Variants in SFI1 observed in about 807,000 individuals in gnomAD.
SFI1 encodes the protein SFI1 centrin binding protein.
In SFI1, 195 loss-of-function variants were observed where a neutral mutation model predicts 207.5. The ratio of observed to expected loss-of-function variants is 0.94; its 90% confidence interval spans 0.84 to 1.06. The LOEUF is 1.06. Among genes scored for constraint, SFI1 ranks in the 50% least tolerant of loss-of-function variants. SFI1 has a pLI of 0.00. For missense variants in SFI1, 1,634 were observed against 1,588.0 expected (o/e 1.03, Z -0.49); for synonymous variants, 630 against 598.9 (o/e 1.05, Z -0.76).
chr22:31,569,173 G>C (rs2062698753), intron 8 of SFI1, among the ~76,000 whole-genome samples: 2 of 152,070 alleles, frequency 1.3e-5, no homozygotes, highest in Non-Finnish European at 2.9e-5. Flanking sequence ...CTAGAAAATT[G>C]CTGTTTTGCC....
In SFI1 at chr22:31,549,288, T is replaced by TAAAAAAAA. The variant is rs59382278; in HGVS notation, c.450-946_450-939dup. 3.1e-3 allele frequency among the ~76,000 whole-genome samples: 115 copies of TAAAAAAAA among 37,210 alleles called. 16 individuals carry two copies. Among genetic ancestry groups the TAAAAAAAA allele is most frequent in the African/African-American group, 0.012 (99 of 8,064 alleles). The allele number at this position is 37,210 out of a possible 152,430, so 24.4% of individuals were successfully genotyped here. On this transcript the variant is annotated intron_variant, in intron 5 of 32. Coordinates refer to ENST00000400288, the MANE Select transcript of SFI1 (RefSeq NM_001007467.3). ...CTAGGTGACAGAGTGAGACCCTGTG[T>TAAAAAAAA]AAAAAAAAAAAAAAAAAAAAAAAAA...
At chr22:31,551,525 T>C (rs183219557) in intron 6 of SFI1, among the ~76,000 whole-genome samples, 15 of 152,352 alleles carry the variant, frequency 9.8e-5, no homozygotes, top group African/African-American at 3.4e-4. Flanking sequence ...ATTTTTTTAA[T>C]ACATACAGTA....
At chr22:31,599,265 G>T (rs772557608) in intron 15 of SFI1, among the ~76,000 whole-genome samples, 7 of 151,928 alleles carry the variant, frequency 4.6e-5, no homozygotes, top group Non-Finnish European at 1.0e-4. Context: ...ATGATATGAC[G>T]TAGGAGTCAA....
At chr22:31,525,665 C>T (rs1029334377) in intron 2 of SFI1, among the ~76,000 whole-genome samples, 8 of 151,976 alleles carry the variant, frequency 5.3e-5, no homozygotes, top group South Asian at 2.1e-4. Context: ...TGCAGTGAGC[C>T]GTGATTGCAT....
chr22:31,548,929 A>G (rs1350196538), intron 5 of SFI1, among the ~76,000 whole-genome samples: 4 of 152,130 alleles, frequency 2.6e-5, no homozygotes, highest in East Asian at 1.9e-4. Context: ...AAAGGTGTCA[A>G]TGAGCATATT....
chr22:31,583,939 T>A lies in SFI1; in HGVS notation c.1313T>A (p.Leu438His). ...GAGCAGAAAAAGGAAAGAGAGCTGC[T>A]CCCCTTACTGCATGCTGCCTGGGAC... is the stretch of plus-strand genomic sequence containing the variant. The part of the protein sequence containing the change: ...QIEQKKEREL[L>H]PLLHAAWDHY... The change falls in exon 13 of 33, where the codon CTC (leucine) becomes CAC (histidine). Residue 438 changes from leucine (L) to histidine (H), a missense_variant. By Grantham distance (99) the Leu-to-His change is moderately conservative. Coordinates refer to ENST00000400288, the MANE Select transcript of SFI1 (RefSeq NM_001007467.3). 3 of 1,614,168 alleles carry A rather than the reference T, an allele frequency of 1.9e-6. No homozygotes were observed. Among genetic ancestry groups the A allele is most frequent in the Non-Finnish European group, 2.5e-6 (3 of 1,180,030 alleles).
intron 5 of SFI1, 51 bp from the exon 6 acceptor site, chr22:31,550,203 G>T (rs776336368): frequency 7.4e-6 from 11 of 1,486,214 alleles, no homozygotes; most frequent in Non-Finnish European, 9.4e-6. Context: ...GAGCCACCGC[G>T]CCCGGCCTGT....
In SFI1 at chr22:31,550,330, A is replaced by G. The variant is rs751353906; in HGVS notation, c.526A>G (p.Ile176Val). Residue 176 changes from isoleucine to valine, a missense_variant, in exon 6 of 33, where the codon ATT (isoleucine) becomes GTT (valine). Physicochemically the swap from Ile to Val is conservative, Grantham distance 29 (BLOSUM62 3). Coordinates refer to ENST00000400288, the MANE Select transcript of SFI1 (RefSeq NM_001007467.3). ...GCAGCAGGAGATGAGGAACAAGTAC[A>G]TTAGAGCCGAGGTTCATGGTGAGAA... is the stretch of plus-strand genomic sequence containing the variant. ...RQQQEMRNKYIRAEVHDAKQK... is the reference protein window; with the variant it reads ...RQQQEMRNKYVRAEVHDAKQK... 1.1e-5 allele frequency: 17 copies of G among 1,613,986 alleles called. No homozygotes were observed. In the East Asian group the frequency reaches 1.8e-4, roughly 17 times the overall value.
At chr22:31,576,363 C>G (rs1408197027) in intron 10 of SFI1, among the ~76,000 whole-genome samples, 1 of 151,878 alleles carries the variant, frequency 6.6e-6, no homozygotes, top group African/African-American at 2.4e-5. Context: ...CTCTGTCACC[C>G]AGGCTGGATT....
chr22:31,526,875 G>A (rs927401219), intron 2 of SFI1, among the ~76,000 whole-genome samples: 1 of 151,064 alleles, frequency 6.6e-6, no homozygotes, highest in African/African-American at 2.4e-5. Context: ...CAATACCTAC[G>A]TTGGAACTAT....
chr22:31,609,209 G>A (rs868032508), intron 22 of SFI1, among the ~76,000 whole-genome samples: 2 of 152,086 alleles, frequency 1.3e-5, no homozygotes, highest in South Asian at 2.1e-4. Context: ...CGTGTTAGCT[G>A]GGATGGTCTC....
At chr22:31,607,796 C>T in intron 21 of SFI1, 141 bp from the exon 22 acceptor site, 1 of 639,938 alleles carries the variant, frequency 1.6e-6, no homozygotes, top group South Asian at 1.9e-5. Flanking sequence ...GCGTGCAAGG[C>T]AGTTACTTCC....
chr22:31,550,181 G>A, intron 5 of SFI1, 73 bp from the exon 6 acceptor site: 2 of 1,167,460 alleles, frequency 1.7e-6, no homozygotes, highest in African/African-American at 1.5e-5. Flanking sequence ...AAAGTGCTAG[G>A]GTTACAGGTG....
chr22:31,559,458 A>T (rs1028406029), intron 7 of SFI1: 4 of 440,298 alleles, frequency 9.1e-6, no homozygotes, highest in African/African-American at 4.1e-5. Flanking sequence ...CGGGAGGCCT[A>T]CACACCGCCA....
At chr22:31,558,370 A>C (rs558553062) in intron 7 of SFI1, among the ~76,000 whole-genome samples, 52 of 152,180 alleles carry the variant, frequency 3.4e-4, no homozygotes, top group Non-Finnish European at 6.5e-4. Flanking sequence ...TCTACACACA[A>C]AAAATTTTTT....
rs989498284 is a variant in SFI1 at position 31,562,274 on chromosome 22, A to G, written c.765+882A>G. 6.6e-5 allele frequency among the ~76,000 whole-genome samples: 10 copies of G among 152,226 alleles called. 1 individual carries two copies. The highest frequency in any genetic ancestry group is 2.2e-4 in the African/African-American group (9 of 41,560). On this transcript the variant is annotated intron_variant, in intron 8 of 32. Coordinates refer to ENST00000400288, the MANE Select transcript of SFI1 (RefSeq NM_001007467.3). ...CCTTATGGTCTACAAAGACTAAACT[A>G]TTTGTTTTCTGACCCTTTAAGAAAA... is the stretch of plus-strand genomic sequence containing the variant.
intron 2 of SFI1, among the ~76,000 whole-genome samples, chr22:31,522,527 A>G (rs1476615639): frequency 1.3e-5 from 2 of 152,106 alleles, no homozygotes; most frequent in Non-Finnish European, 2.9e-5. Context: ...AACCTTTATT[A>G]TACTTTTCTG....
At position 31,514,608 on chromosome 22, in the gene SFI1, C is replaced by G. The variant is rs374452823; in HGVS notation, c.92+6232C>G. On this transcript the variant is annotated intron_variant, in intron 2 of 32. Coordinates refer to ENST00000400288, the MANE Select transcript of SFI1 (RefSeq NM_001007467.3). ...CTTCCCAATTCTCCCTACTCCTAGCCTTTGGTAACCACCATTCTCCTCTCT... is the reference window on the plus strand; with the variant it reads ...CTTCCCAATTCTCCCTACTCCTAGCGTTTGGTAACCACCATTCTCCTCTCT... Among the ~76,000 whole-genome samples the G allele has an allele frequency of 3.3e-5, 5 of 151,856 alleles. No individual in the cohort carries two copies. In the East Asian group the frequency reaches 7.7e-4, roughly 23 times the overall value.
intron 29 of SFI1, chr22:31,616,211 G>GGAACC (rs1292183524): frequency 6.6e-6 from 1 of 152,380 alleles, no homozygotes; most frequent in Non-Finnish European, 1.5e-5. Context: ...GGGACAGGAA[G>GGAACC]GAACCAGTTC....
Sources: allele counts gnomAD v4.1 joint callset (sites outside exome capture counted in the v4.1 genomes callset), GRCh38; gene constraint gnomAD v4.1.1; transcripts MANE v1.5; gene names NCBI Gene and HGNC (gene_info 2026-07-23, HGNC 2026-07-21).